Variants in OLA1 observed in about 807,000 individuals in gnomAD.
The protein encoded by OLA1 is obg-like ATPase 1.
OLA1 carries 14 observed loss-of-function variants against 48.4 expected under a neutral mutation model. That is an observed-to-expected ratio of 0.29 (90% CI 0.19 to 0.45). OLA1 has a LOEUF of 0.45. Ranked by LOEUF, OLA1 falls within the 20% of genes least tolerant of loss-of-function variation. OLA1 has a pLI of 1.00. For missense variants in OLA1, 325 were observed against 467.1 expected (o/e 0.70, Z 2.80); for synonymous variants, 127 against 150.4 (o/e 0.84, Z 1.14).
At chr2:174,079,252 A>G (rs1172019391) in intron 9 of OLA1, 162 bp from the exon 10 acceptor site, 6 of 526,988 alleles carry the variant, frequency 1.1e-5, no homozygotes, top group Non-Finnish European at 2.0e-5. Context: ...ACTGGGTAGT[A>G]TCTGTGCAGC....
chr2:174,185,770 A>G (rs545039654), intron 4 of OLA1, among the ~76,000 whole-genome samples: 1 of 152,266 alleles, frequency 6.6e-6, no homozygotes, highest in South Asian at 2.1e-4. Flanking sequence ...TCTACTAAAA[A>G]TACAAAAATT....
In OLA1 at chr2:174,161,711, CACACATAG is replaced by C. The variant is rs1326218789; in HGVS notation, c.374-19719_374-19712del. 2.9e-4 allele frequency among the ~76,000 whole-genome samples: 41 copies of C among 139,360 alleles called. No individual in the cohort carries two copies. In the East Asian group the frequency reaches 7.7e-3, roughly 26 times the overall value. 91.4% of individuals were successfully genotyped at this position (139,360 alleles called of 152,430 possible). Reference sequence around the variant, plus strand: ...ACACACACACACACACACACACACACACACATAGATAGATAGACACACATACATACATT... The same window carrying C: ...ACACACACACACACACACACACACACATAGATAGACACACATACATACATT... On this transcript the variant is annotated intron_variant, in intron 4 of 10. Coordinates refer to ENST00000284719, the MANE Select transcript of OLA1 (RefSeq NM_013341.5).
At chr2:174,216,793 C>T (rs1390593810) in intron 4 of OLA1, among the ~76,000 whole-genome samples, 1 of 152,202 alleles carries the variant, frequency 6.6e-6, no homozygotes, top group East Asian at 1.9e-4. Flanking sequence ...AGCAATCCTC[C>T]TCCCTCAGCC....
At chr2:174,188,767 AT>A (rs1687711926) in intron 4 of OLA1, among the ~76,000 whole-genome samples, 1 of 152,238 alleles carries the variant, frequency 6.6e-6, no homozygotes, top group South Asian at 2.1e-4. Flanking sequence ...TTATTAAAAA[AT>A]ATTGTATAAA....
chr2:174,209,262 C>T (rs775186610), intron 4 of OLA1, among the ~76,000 whole-genome samples: 4 of 152,190 alleles, frequency 2.6e-5, no homozygotes, highest in Non-Finnish European at 5.9e-5. Flanking sequence ...ATACATTCTA[C>T]TACTCATAAA....
intron 4 of OLA1, among the ~76,000 whole-genome samples, chr2:174,209,619 G>C (rs1574552866): frequency 2.6e-5 from 4 of 152,058 alleles, no homozygotes; most frequent in African/African-American, 7.2e-5. Flanking sequence ...GGAGATTCAA[G>C]AAGTAGGGGC....
chr2:174,183,109 C>CA (rs1004068018), intron 4 of OLA1, among the ~76,000 whole-genome samples: 27 of 151,452 alleles, frequency 1.8e-4, no homozygotes, highest in Admixed American at 2.0e-4. Flanking sequence ...ACTACTTCAG[C>CA]AAAAAAAATG....
At chr2:174,244,702 C>A (rs1220704238) in intron 2 of OLA1, among the ~76,000 whole-genome samples, 2 of 151,922 alleles carry the variant, frequency 1.3e-5, no homozygotes, top group Non-Finnish European at 2.9e-5. Context: ...TGGCTCACTG[C>A]AACCTCCACC....
rs774971306 is a variant in OLA1, at chr2:174,190,944, C to CAAAAA, written c.373+32084_373+32088dup. 1.2e-3 allele frequency among the ~76,000 whole-genome samples: 39 copies of CAAAAA among 32,826 alleles called. 2 individuals carry two copies. The highest frequency in any genetic ancestry group is 0.062 in the Middle Eastern group (1 of 16). 21.5% of individuals were successfully genotyped at this position (32,826 alleles called of 152,430 possible). On this transcript the variant is annotated intron_variant, in intron 4 of 10. Transcript: ENST00000284719. ...TGGGCAACAGAGCAAGACTTCGTCT[C>CAAAAA]AAAAAAAAAAAAAAAAAAAAAAAAA...
At chr2:174,146,230 C>A (rs1686594374) in intron 4 of OLA1, among the ~76,000 whole-genome samples, 1 of 152,096 alleles carries the variant, frequency 6.6e-6, no homozygotes, top group Non-Finnish European at 1.5e-5. Context: ...TTTATTCTAG[C>A]TGTAATGGGA....
In OLA1 at chr2:174,229,305, T is replaced by C; in HGVS notation, c.245+3A>G. On this transcript the variant is annotated splice_donor_region_variant and intron_variant, in intron 3 of 10. Transcript: ENST00000284719. ...CAAATAAATAGCATAAAATATCTCT[T>C]ACCTTGCTGGTTTGTGGTATTGACA... is the stretch of plus-strand genomic sequence containing the variant. 1 of 1,611,606 alleles carries C rather than the reference T, an allele frequency of 6.2e-7. No homozygotes were observed. The highest frequency in any genetic ancestry group is 8.5e-7 in the Non-Finnish European group (1 of 1,179,626).
intron 5 of OLA1, among the ~76,000 whole-genome samples, chr2:174,131,553 A>T (rs1284606901): frequency 2.6e-5 from 4 of 152,160 alleles, no homozygotes; most frequent in African/African-American, 4.8e-5. Context: ...TCAAAAGCAG[A>T]TGTACTAATT....
At chr2:174,223,337 T>C (rs1688546674) in intron 3 of OLA1, among the ~76,000 whole-genome samples, 177 bp from the exon 4 acceptor site, 2 of 152,208 alleles carry the variant, frequency 1.3e-5, no homozygotes. Context: ...GGCCTTGTAA[T>C]ACATTTGGAC....
intron 4 of OLA1, among the ~76,000 whole-genome samples, chr2:174,144,582 G>A (rs1436025598): frequency 1.3e-5 from 2 of 151,912 alleles, no homozygotes; most frequent in Non-Finnish European, 2.9e-5. Flanking sequence ...CTGGGTCAAC[G>A]AACTTCATCA....
rs766070606 is a variant in OLA1, at chr2:174,079,099, A to AG, written c.967-10dup. On this transcript the variant is annotated splice_polypyrimidine_tract_variant and intron_variant, in intron 9 of 10. Coordinates refer to ENST00000284719, the MANE Select transcript of OLA1 (RefSeq NM_013341.5). ...GGAGCCTTAGTCCCTTTCTTTGAAA[A>AG]GAAAGACCAGAGAAAACTAATTGCA... 1 of 1,577,106 alleles carries AG rather than the reference A, an allele frequency of 6.3e-7. No individual in the cohort carries two copies. The highest frequency in any genetic ancestry group is 8.6e-7 in the Non-Finnish European group (1 of 1,166,432).
chr2:174,247,573 C>T, intron 1 of OLA1: 1 of 1,511,054 alleles, frequency 6.6e-7, no homozygotes, highest in Non-Finnish European at 8.9e-7. Flanking sequence ...CACCAGCAGC[C>T]AAGTCACCCT....
intron 1 of OLA1, chr2:174,247,838 C>A: frequency 6.6e-7 from 1 of 1,516,018 alleles, no homozygotes; most frequent in Non-Finnish European, 8.9e-7. Flanking sequence ...CTGTCCCTTA[C>A]TAGTTCTGTC....
chr2:174,153,740 AAAG>A (rs1418468654), intron 4 of OLA1, among the ~76,000 whole-genome samples: 1 of 152,238 alleles, frequency 6.6e-6, no homozygotes, highest in African/African-American at 2.4e-5. Flanking sequence ...AACTCTTTTC[AAAG>A]AAGTAGGCAA....
At chr2:174,199,100 A>C (rs1458917879) in intron 4 of OLA1, among the ~76,000 whole-genome samples, 1 of 152,212 alleles carries the variant, frequency 6.6e-6, no homozygotes, top group East Asian at 1.9e-4. Context: ...AGTATGCATA[A>C]AATGTTTCTG....
Sources: allele counts gnomAD v4.1 joint callset (sites outside exome capture counted in the v4.1 genomes callset), GRCh38; gene constraint gnomAD v4.1.1; transcripts MANE v1.5; gene names NCBI Gene and HGNC (gene_info 2026-07-23, HGNC 2026-07-21).